Variants in SLC44A4 observed in about 807,000 individuals in gnomAD.
SLC44A4 encodes the protein choline transporter-like protein 4.
A neutral mutation model predicts 97.0 loss-of-function variants in SLC44A4; 74 were observed. The observed-to-expected ratio is 0.76, with a 90% CI of 0.63 to 0.93. The LOEUF (loss-of-function observed/expected upper bound fraction) is 0.93. Among genes scored for constraint, SLC44A4 ranks in the 40% least tolerant of loss-of-function variants. The pLI is 0.00. For synonymous variants in SLC44A4, 325 were observed against 363.8 expected (o/e 0.89, Z 1.21); for missense variants, 799 against 902.9 (o/e 0.88, Z 1.48).
rs1453776666 is a variant in SLC44A4, at chr6:31,866,014, C to T, written c.1346G>A (p.Gly449Glu). The change falls in exon 14 of 21, where the codon GGG (glycine) becomes GAG (glutamate). Residue 449 changes from glycine (G) to glutamate (E), a missense_variant. Coordinates refer to ENST00000229729, the MANE Select transcript of SLC44A4 (RefSeq NM_025257.3). Reference sequence around the variant, plus strand: ...TACCCAGTTAAGGGTCCAGAAGAGCCCCAGGACCCCATAGATTTGCAGATT... The same window carrying T: ...TACCCAGTTAAGGGTCCAGAAGAGCTCCAGGACCCCATAGATTTGCAGATT... The part of the protein sequence containing the change: ...VFNLQIYGVL[G>E]LFWTLNWVLA... 6.2e-7 allele frequency: 1 copy of T among 1,614,182 alleles called. No individual in the cohort carries two copies. Among genetic ancestry groups the T allele is most frequent in the Non-Finnish European group, 8.5e-7 (1 of 1,180,038 alleles).
intron 13 of SLC44A4, among the ~76,000 whole-genome samples, chr6:31,867,705 A>T (rs1341000436): frequency 1.3e-5 from 2 of 151,938 alleles, no homozygotes; most frequent in Non-Finnish European, 2.9e-5. Context: ...CAGCCTGTGT[A>T]ACAGCCTTTT....
At position 31,865,279 on chromosome 6, in the gene SLC44A4, G is replaced by C; in HGVS notation, c.1760+36C>G. 1 of 1,612,446 alleles carries C rather than the reference G, an allele frequency of 6.2e-7. No individual in the cohort carries two copies. Among genetic ancestry groups the C allele is most frequent in the East Asian group, 2.2e-5 (1 of 44,888 alleles). On this transcript the variant is annotated intron_variant, in intron 17 of 20. Coordinates refer to ENST00000229729, the MANE Select transcript of SLC44A4 (RefSeq NM_025257.3). The surrounding 1 kb of genome is among the most constrained non-coding windows in gnomAD (Gnocchi z 5.2). Reference sequence around the variant, plus strand: ...AGCCAGCCTTGGGTGGGAGATCAGAGGAGGGAGCCACAAAGCGGGGGGGGA... The same window carrying C: ...AGCCAGCCTTGGGTGGGAGATCAGACGAGGGAGCCACAAAGCGGGGGGGGA...
Position 31,864,490 on chromosome 6 carries a change from C to G in SLC44A4, c.2011+162G>C. 4.5e-6 allele frequency: 3 copies of G among 663,120 alleles called. No individual in the cohort carries two copies. In the South Asian group the frequency reaches 5.7e-5, roughly 13 times the overall value. 41.1% of individuals were successfully genotyped at this position (663,120 alleles called of 1,614,324 possible). A position where few individuals can be genotyped will look rare whatever the true frequency, so the allele number is the denominator to read the frequency against. ...CTGGGGGCTCACTCTCTTCCTTCTT[C>G]CCTAAACGCCTGGCCTCAGGATGTC... On this transcript the variant is annotated intron_variant, in intron 20 of 20. Coordinates refer to ENST00000229729, the MANE Select transcript of SLC44A4 (RefSeq NM_025257.3).
chr6:31,864,584 A>G, intron 20 of SLC44A4, 68 bp downstream of exon 20: 1 of 1,499,464 alleles, frequency 6.7e-7, no homozygotes, highest in Non-Finnish European at 9.2e-7. Context: ...ATCTCCAAAA[A>G]AAAAAAAAAA....
chr6:31,869,018 G>T (rs1482207160), intron 13 of SLC44A4, 137 bp downstream of exon 13: 4 of 645,298 alleles, frequency 6.2e-6, no homozygotes, highest in East Asian at 3.0e-5. Flanking sequence ...TTCTAGCTCT[G>T]CTGGGGGTTG....
At position 31,863,359 on chromosome 6, in the gene SLC44A4, G is replaced by T; in HGVS notation, c.*268C>A. 2.9e-6 allele frequency: 1 copy of T among 342,396 alleles called. No homozygotes were observed. Among genetic ancestry groups the T allele is most frequent in the Non-Finnish European group, 5.3e-6 (1 of 189,796 alleles). The allele number at this position is 342,396 out of a possible 1,614,324, so 21.2% of individuals were successfully genotyped here. A position where few individuals can be genotyped will look rare whatever the true frequency, so the allele number is the denominator to read the frequency against. On this transcript the variant is annotated 3_prime_UTR_variant, in exon 21 of 21. Transcript: ENST00000229729. ...TCCTGCCTCAGCCTCCCGAGTAGCT[G>T]GGATGACAGGTGCATGCCACCACTC... is the stretch of plus-strand genomic sequence containing the variant.
rs750400919 is a variant in SLC44A4 at position 31,877,364 on chromosome 6, A to T, written c.41-282T>A. 1.3e-5 allele frequency among the ~76,000 whole-genome samples: 2 copies of T among 152,012 alleles called. No individual in the cohort carries two copies. The highest frequency in any genetic ancestry group is 1.3e-4 in the Admixed American group (2 of 15,276). On this transcript the variant is annotated intron_variant, in intron 1 of 20. Coordinates refer to ENST00000229729, the MANE Select transcript of SLC44A4 (RefSeq NM_025257.3). The surrounding 1 kb of genome is among the most constrained non-coding windows in gnomAD (Gnocchi z 6.5). ...ACATCTCAAGGCAGTCAGTCTGGGA[A>T]ATGGCCTTGGTCCCCTGCCCTACCC...
At chr6:31,869,441 C>T (rs902748430) in intron 12 of SLC44A4, 104 bp downstream of exon 12, 3 of 1,057,770 alleles carry the variant, frequency 2.8e-6, no homozygotes, top group South Asian at 1.4e-5. Flanking sequence ...GAGAAAGGGG[C>T]ACCTCTTCCA....
rs765361245 is a variant in SLC44A4 at position 31,866,076 on chromosome 6, G to A, written c.1284C>T (p.Gly428=). 6.2e-5 allele frequency: 100 copies of A among 1,614,046 alleles called. No homozygotes were observed. Among genetic ancestry groups the A allele is most frequent in the Non-Finnish European group, 7.2e-5 (85 of 1,180,018 alleles). Residue 428 remains glycine (G), a synonymous_variant, in exon 14 of 21, where the codon GGC becomes GGT. Coordinates refer to ENST00000229729, the MANE Select transcript of SLC44A4 (RefSeq NM_025257.3). The part of the protein sequence containing the change: ...SCPGLMCVFQ[G]YSSKGLIQRS... ...GTTGGATTAGGCCTTTGGATGAGTA[G>A]CCCTGGAAGACGCACATCAGCCCTG...
Position 31,877,172 on chromosome 6 carries a change from G to A in SLC44A4, c.41-90C>T. The A allele has an allele frequency of 1.5e-6, 2 of 1,371,728 alleles. No individual in the cohort carries two copies. Among genetic ancestry groups the A allele is most frequent in the Admixed American group, 2.1e-5 (1 of 48,646 alleles). The allele number at this position is 1,371,728 out of a possible 1,614,324, so 85.0% of individuals were successfully genotyped here. ...CTCCTAGCCCCAGGATCCTACCCAG[G>A]CCTCAGGTGTTTGGAGGGAGATGGG... On this transcript the variant is annotated intron_variant, in intron 1 of 20. Coordinates refer to ENST00000229729, the MANE Select transcript of SLC44A4 (RefSeq NM_025257.3). This position sits in a 1 kb window ranked among gnomAD's most constrained non-coding sequence, Gnocchi z 6.5.
chr6:31,869,112 C>T, intron 13 of SLC44A4, 43 bp downstream of exon 13: 1 of 1,515,520 alleles, frequency 6.6e-7, no homozygotes, highest in Non-Finnish European at 9.0e-7. Context: ...TACAGCCCCT[C>T]ACCCCTACTA....
chr6:31,874,198 C>G lies in SLC44A4; in HGVS notation c.529+262G>C, dbSNP rs2151568023. On this transcript the variant is annotated intron_variant, in intron 7 of 20. Coordinates refer to ENST00000229729, the MANE Select transcript of SLC44A4 (RefSeq NM_025257.3). The surrounding 1 kb of genome is among the most constrained non-coding windows in gnomAD (Gnocchi z 4.8). The stretch of plus-strand genomic sequence containing the variant: ...GTCTCTTTGTGAACAACTCTAATCT[C>G]TTCACCTAGAATGTAGCTGAAGCAG... Among the ~76,000 whole-genome samples, 1 of 152,286 alleles carries G rather than the reference C, an allele frequency of 6.6e-6. No individual in the cohort carries two copies. Among genetic ancestry groups the G allele is most frequent in the African/African-American group, 2.4e-5 (1 of 41,556 alleles).
rs770386504 is a variant in SLC44A4 at position 31,870,793 on chromosome 6, G to A, written c.937+19C>T. On this transcript the variant is annotated intron_variant, in intron 10 of 20. Transcript: ENST00000229729. Reference sequence around the variant, plus strand: ...GGTCCTTGGGCAGCTGGTGGCTTGGGGGTGGGCAGGACACTCACGGGCGGC... The same window carrying A: ...GGTCCTTGGGCAGCTGGTGGCTTGGAGGTGGGCAGGACACTCACGGGCGGC... 1.9e-6 allele frequency: 3 copies of A among 1,612,736 alleles called. No homozygotes were observed. Among genetic ancestry groups the A allele is most frequent in the South Asian group, 2.2e-5 (2 of 91,072 alleles).
At chr6:31,875,526 A>G (rs755874723) in intron 4 of SLC44A4, among the ~76,000 whole-genome samples, 29 of 152,200 alleles carry the variant, frequency 1.9e-4, no homozygotes, top group Non-Finnish European at 3.8e-4. Context: ...AAGCTCAGAG[A>G]GCTTGAGTAA....
At position 31,869,233 on chromosome 6, in the gene SLC44A4, G is replaced by C; in HGVS notation, c.1155C>G (p.Pro385=). 6.2e-7 allele frequency: 1 copy of C among 1,609,044 alleles called. No homozygotes were observed. The highest frequency in any genetic ancestry group is 8.5e-7 in the Non-Finnish European group (1 of 1,178,124). ...TALYLATSGQ[P]QYVLWASNIS... The stretch of plus-strand genomic sequence containing the variant: ...TGTTGGATGCCCAGAGCACATACTG[G>C]GGTTGCCCCGATGTAGCCAGGTACC... Residue 385 remains proline (P), a synonymous_variant, in exon 13 of 21, where the codon CCC becomes CCG. Transcript: ENST00000229729.
rs1048751638 is a variant in SLC44A4, at chr6:31,878,473, G to C, written c.40+468C>G. Among the ~76,000 whole-genome samples the C allele has an allele frequency of 1.6e-4, 24 of 152,094 alleles. No homozygotes were observed. Among genetic ancestry groups the C allele is most frequent in the African/African-American group, 5.3e-4 (22 of 41,474 alleles). ...AGCCGGCAGACCACAAGCAGCTTTCGCCCTCAGAGACCCAGACTCCAGGCT... is the reference window on the plus strand; with the variant it reads ...AGCCGGCAGACCACAAGCAGCTTTCCCCCTCAGAGACCCAGACTCCAGGCT... On this transcript the variant is annotated intron_variant, in intron 1 of 20. Coordinates refer to ENST00000229729, the MANE Select transcript of SLC44A4 (RefSeq NM_025257.3). The surrounding 1 kb of genome is among the most constrained non-coding windows in gnomAD (Gnocchi z 4.0).
chr6:31,865,311 T>C lies in SLC44A4; in HGVS notation c.1760+4A>G. 6.2e-7 allele frequency: 1 copy of C among 1,613,948 alleles called. No homozygotes were observed. The highest frequency in any genetic ancestry group is 8.5e-7 in the Non-Finnish European group (1 of 1,179,964). The stretch of plus-strand genomic sequence containing the variant: ...GCCACAAAGCGGGGGGGGAGCAGCC[T>C]AACCTGACAATGTTTCGCATGAGTA... On this transcript the variant is annotated splice_donor_region_variant and intron_variant, in intron 17 of 20. Transcript: ENST00000229729. The surrounding 1 kb of genome is among the most constrained non-coding windows in gnomAD (Gnocchi z 5.2).
intron 9 of SLC44A4, 76 bp downstream of exon 9, chr6:31,871,238 A>T: frequency 6.9e-7 from 1 of 1,454,918 alleles, no homozygotes; most frequent in Non-Finnish European, 9.7e-7. Flanking sequence ...CCTGTGTTTC[A>T]GACATTGGGC....
At chr6:31,875,783 T>TG (rs1225341862) in intron 4 of SLC44A4, 69 bp downstream of exon 4, 41 of 1,379,734 alleles carry the variant, frequency 3.0e-5, no homozygotes, top group South Asian at 3.9e-5. Flanking sequence ...GAGCCTGAGT[T>TG]GGGGGGGTGT....
Sources: allele counts gnomAD v4.1 joint callset (sites outside exome capture counted in the v4.1 genomes callset), GRCh38; gene constraint gnomAD v4.1.1; non-coding constraint Gnocchi (gnomAD v3.1); transcripts MANE v1.5; gene names NCBI Gene and HGNC (gene_info 2026-07-23, HGNC 2026-07-21).